Variants in DNAH11 observed in about 807,000 individuals in gnomAD.
DNAH11 encodes dynein axonemal heavy chain 11.
Under a neutral mutation model 526.0 loss-of-function variants are expected in DNAH11, and 442 were observed. The ratio of observed to expected loss-of-function variants is 0.84; its 90% CI spans 0.78 to 0.91. The LOEUF is 0.91. Ranked by LOEUF, DNAH11 falls within the 40% of genes least tolerant of loss-of-function variation. The pLI is 0.00. For missense variants in DNAH11, 6,989 were observed against 5,448.7 expected (o/e 1.28, Z -8.90); for synonymous variants, 2,461 against 1,935.9 (o/e 1.27, Z -7.12).
rs370895266 is a variant in DNAH11, at chr7:21,827,747, T to A, written c.10691+9408T>A. ...AAAGTTATGCTAAGATTAAGAAGAATTGCTTTCAGTTAGCAGCTTTCCAGT... is the reference window on the plus strand; with the variant it reads ...AAAGTTATGCTAAGATTAAGAAGAAATGCTTTCAGTTAGCAGCTTTCCAGT... On this transcript the variant is annotated intron_variant, in intron 65 of 81. Coordinates refer to ENST00000409508, the MANE Select transcript of DNAH11 (RefSeq NM_001277115.2). 2.1e-3 allele frequency among the ~76,000 whole-genome samples: 316 copies of A among 152,234 alleles called. 1 individual carries two copies. Among genetic ancestry groups the A allele is most frequent in the African/African-American group, 7.2e-3 (300 of 41,570 alleles).
At chr7:21,801,101 A>G (rs1473219280) in intron 61 of DNAH11, 36 bp from the exon 62 acceptor site, 1 of 1,573,296 alleles carries the variant, frequency 6.4e-7, no homozygotes, top group Non-Finnish European at 8.6e-7. Context: ...TGTTTTAACT[A>G]AAAATGACTC....
chr7:21,816,696 A>G lies in DNAH11; in HGVS notation c.10562A>G (p.Gln3521Arg), dbSNP rs2128000172. Reference protein sequence around the residue: ...GMDLKVTHLGQKGFLNAIETA... With the variant: ...GMDLKVTHLGRKGFLNAIETA... Reference sequence around the variant, plus strand: ...GACCTGAAAGTCACACATTTGGGCCAGAAAGGGTATGTGAAGTTTGAAGAG... The same window carrying G: ...GACCTGAAAGTCACACATTTGGGCCGGAAAGGGTATGTGAAGTTTGAAGAG... The change falls in exon 64 of 82, where the codon CAG becomes CGG. Residue 3521 changes from glutamine (Q) to arginine (R), a missense_variant. Gln to Arg is a conservative substitution (Grantham distance 43). Coordinates refer to ENST00000409508, the MANE Select transcript of DNAH11 (RefSeq NM_001277115.2). The G allele has an allele frequency of 4.3e-6, 7 of 1,613,274 alleles. No homozygotes were observed. Among genetic ancestry groups the G allele is most frequent in the Non-Finnish European group, 5.9e-6 (7 of 1,179,602 alleles).
intron 61 of DNAH11, among the ~76,000 whole-genome samples, chr7:21,790,355 C>T (rs1788427346): frequency 6.6e-6 from 1 of 152,028 alleles, no homozygotes; most frequent in Non-Finnish European, 1.5e-5. Context: ...GAGGCTGAGG[C>T]AGGAGAATGG....
chr7:21,873,134 T>G, intron 73 of DNAH11, 140 bp from the exon 74 acceptor site: 1 of 771,700 alleles, frequency 1.3e-6, no homozygotes, highest in Non-Finnish European at 2.1e-6. Context: ...AAAGGAAAAT[T>G]TTTATGATGT....
chr7:21,873,305 C>G lies in DNAH11; in HGVS notation c.11999C>G (p.Thr4000Ser). Residue 4000 changes from threonine (T) to serine (S), a missense_variant, in exon 74 of 82, where the codon ACC becomes AGC. Physicochemically the swap from Thr to Ser is moderately conservative, Grantham distance 58. Transcript: ENST00000409508. ...NVHLVAKWLG[T>S]LEKLLERFSQ... ...CATTTGGTAGCCAAGTGGCTAGGAA[C>G]CTTGGAGAAGCTCCTTGAAAGATTC... The G allele has an allele frequency of 6.2e-7, 1 of 1,603,520 alleles. No individual in the cohort carries two copies. The highest frequency in any genetic ancestry group is 1.3e-5 in the African/African-American group (1 of 74,918).
intron 62 of DNAH11, among the ~76,000 whole-genome samples, chr7:21,805,172 G>A (rs1387920684): frequency 6.6e-6 from 1 of 152,114 alleles, no homozygotes. Flanking sequence ...TCGTTCACAC[G>A]CACACATACA....
rs948730635 is a variant in DNAH11 at position 21,766,084 on chromosome 7, A to T, written c.9102+495A>T. On this transcript the variant is annotated intron_variant, in intron 55 of 81. Transcript: ENST00000409508. The stretch of plus-strand genomic sequence containing the variant: ...CAGCCCCTGTATCCCATAACCACTA[A>T]GTCAAATAATATATCTACTTACTGT... 5.3e-5 allele frequency among the ~76,000 whole-genome samples: 8 copies of T among 152,200 alleles called. No individual in the cohort carries two copies. In the East Asian group the frequency reaches 9.6e-4, roughly 18 times the overall value.
chr7:21,651,992 T>G (rs12700290), intron 28 of DNAH11, among the ~76,000 whole-genome samples: 57,352 of 152,128 alleles, frequency 0.38, 12,446 homozygotes, highest in Non-Finnish European at 0.49. Context: ...CATGACATTT[T>G]TCATTAGTTA....
Position 21,899,230 on chromosome 7 carries a change from ACTT to A in DNAH11, c.13050-103_13050-101del, listed in dbSNP as rs1784646796. ...GGATTTTACCAGCTAGCAGTGGTAT[ACTT>A]CTCCTCCACCACCACCCTGCCCTAA... On this transcript the variant is annotated intron_variant, in intron 79 of 81. Transcript: ENST00000409508. The A allele has an allele frequency of 1.8e-5, 15 of 838,544 alleles. No individual in the cohort carries two copies. In the South Asian group the frequency reaches 2.1e-4, roughly 12 times the overall value. The allele number at this position is 838,544 out of a possible 1,614,324, so 51.9% of individuals were successfully genotyped here. A position where few individuals can be genotyped will look rare whatever the true frequency, so the allele number is the denominator to read the frequency against.
chr7:21,643,091 T>C (rs1179398661), intron 28 of DNAH11, among the ~76,000 whole-genome samples: 1 of 152,218 alleles, frequency 6.6e-6, no homozygotes, highest in Non-Finnish European at 1.5e-5. Context: ...CTTAAAGGTG[T>C]ATTTGCAGGA....
intron 28 of DNAH11, among the ~76,000 whole-genome samples, chr7:21,650,485 C>G (rs571566674): frequency 8.0e-5 from 12 of 149,322 alleles, no homozygotes; most frequent in African/African-American, 2.7e-4. Context: ...TGTTTCATAG[C>G]TGTAAGAGGT....
chr7:21,816,688 T>A lies in DNAH11; in HGVS notation c.10554T>A (p.His3518Gln). ...ATGGAATGGACCTGAAAGTCACACA[T>A]TTGGGCCAGAAAGGGTATGTGAAGT... ...NKYGMDLKVT[H>Q]LGQKGFLNAI... The change falls in exon 64 of 82, where the codon CAT becomes CAA. Residue 3518 changes from histidine (H) to glutamine (Q), a missense_variant. By Grantham distance (24) the His-to-Gln change is conservative (BLOSUM62 0). Transcript: ENST00000409508. The A allele has an allele frequency of 6.2e-7, 1 of 1,613,402 alleles. No homozygotes were observed. Among genetic ancestry groups the A allele is most frequent in the Admixed American group, 1.7e-5 (1 of 59,938 alleles).
intron 76 of DNAH11, among the ~76,000 whole-genome samples, chr7:21,888,376 G>T (rs1313801858): frequency 1.3e-5 from 2 of 152,152 alleles, no homozygotes; most frequent in African/African-American, 2.4e-5. Context: ...TACCAGAAAG[G>T]AAAATATAAA....
At chr7:21,640,736 A>C (rs917017555) in intron 28 of DNAH11, among the ~76,000 whole-genome samples, 6 of 152,148 alleles carry the variant, frequency 3.9e-5, no homozygotes, top group African/African-American at 1.4e-4. Context: ...AAACTTAAAA[A>C]AGAAACCAAA....
At chr7:21,680,515 T>A (rs1269636890) in intron 30 of DNAH11, among the ~76,000 whole-genome samples, 1 of 152,208 alleles carries the variant, frequency 6.6e-6, no homozygotes, top group Non-Finnish European at 1.5e-5. Flanking sequence ...AAGAAATATT[T>A]TCTATTAGAT....
chr7:21,864,428 G>C lies in DNAH11; in HGVS notation c.11374-107G>C, dbSNP rs557930051. On this transcript the variant is annotated intron_variant, in intron 69 of 81. Coordinates refer to ENST00000409508, the MANE Select transcript of DNAH11 (RefSeq NM_001277115.2). ...CAGATGTCAAGTGGAGTTCCCAGCA[G>C]GTATGGTTCTGCCTACTCAGTCATG... 7.5e-6 allele frequency: 8 copies of C among 1,062,892 alleles called. No individual in the cohort carries two copies. In the African/African-American group the frequency reaches 1.1e-4, roughly 15 times the overall value. 65.8% of individuals were successfully genotyped at this position (1,062,892 alleles called of 1,614,324 possible). A position where few individuals can be genotyped will look rare whatever the true frequency, so the allele number is the denominator to read the frequency against.
rs1562614280 is a variant in DNAH11, at chr7:21,901,048, CGTCTCAAGGAGCTGGCATGCCCTATGCCG to C, written c.13349_13377del (p.Leu4450HisfsTer23). ...CCAAGCAGGAACCATTGTTGAAGCC[CGTCTCAAGGAGCTGGCATGCCCTATGCCG>C]GTCATCTTTGCAAAAGCCACCCCCG... is the stretch of plus-strand genomic sequence containing the variant. On this transcript the variant is annotated frameshift_variant, in exon 82 of 82. Transcript: ENST00000409508. LOFTEE classifies it high-confidence loss of function. The C allele has an allele frequency of 1.2e-6, 2 of 1,612,718 alleles. No homozygotes were observed. Among genetic ancestry groups the C allele is most frequent in the South Asian group, 2.2e-5 (2 of 90,818 alleles).
chr7:21,602,968 A>G (rs984813385), intron 18 of DNAH11, among the ~76,000 whole-genome samples: 4 of 152,134 alleles, frequency 2.6e-5, no homozygotes, highest in African/African-American at 4.8e-5. Context: ...TACCACCTCT[A>G]TCTAGTTCCA....
chr7:21,810,232 T>A lies in DNAH11; in HGVS notation c.10332+2183T>A, dbSNP rs1789454955. Among the ~76,000 whole-genome samples, 3 of 152,294 alleles carry A rather than the reference T, an allele frequency of 2.0e-5. 1 individual carries two copies. The South Asian group carries it at 6.2e-4, about 32-fold the overall frequency. The stretch of plus-strand genomic sequence containing the variant: ...AAAATCATCTAGTTTAAGATACTCC[T>A]TGTACAAATGAGAAAACTGAGACAG... On this transcript the variant is annotated intron_variant, in intron 63 of 81. Coordinates refer to ENST00000409508, the MANE Select transcript of DNAH11 (RefSeq NM_001277115.2).
Sources: gnomAD v4.1 joint callset for allele counts (sites outside exome capture counted in the v4.1 genomes callset) on GRCh38, gnomAD v4.1.1 for gene constraint, MANE v1.5 for transcripts, NCBI Gene and HGNC (gene_info 2026-07-23, HGNC 2026-07-21) for gene names.